The following SIPA1L3 variants were observed in gnomAD, a reference collection of about 807,000 sequenced individuals.
SIPA1L3 encodes signal induced proliferation associated 1 like 3.
SIPA1L3 carries 59 observed loss-of-function variants against 150.1 expected under a neutral mutation model. The ratio of observed to expected loss-of-function variants is 0.39; its 90% confidence interval spans 0.32 to 0.49. The LOEUF is 0.49. Among genes scored for constraint, SIPA1L3 ranks in the 20% least tolerant of loss-of-function variants. The pLI is 0.86. For synonymous variants in SIPA1L3, 1,070 were observed against 1,077.6 expected, an observed-to-expected ratio of 0.99 and a Z score of 0.14; for missense variants, 2,211 against 2,489.5, an observed-to-expected ratio of 0.89 and a Z score of 2.38.
rs753346370 is a variant in SIPA1L3 at position 38,142,711 on chromosome 19, G to A, written c.3533+1G>A. ...TGAGATACAAGCCATCCCCAGAAAG[G>A]TCAGCCTCCCTCAATTCTTTTCATG... On this transcript the variant is annotated splice_donor_variant, in intron 12 of 21. Coordinates refer to ENST00000222345, the MANE Select transcript of SIPA1L3 (RefSeq NM_015073.3). LOFTEE classifies it high-confidence loss of function. 1.3e-5 allele frequency: 21 copies of A among 1,611,876 alleles called. No individual in the cohort carries two copies. The highest frequency in any genetic ancestry group is 1.8e-5 in the Non-Finnish European group (21 of 1,178,650).
intron 9 of SIPA1L3, among the ~76,000 whole-genome samples, chr19:38,125,634 G>C (rs891477386): frequency 6.6e-6 from 1 of 152,084 alleles, no homozygotes; most frequent in Non-Finnish European, 1.5e-5. Flanking sequence ...GGGCAGGCCC[G>C]TTTTGAATGA....
rs1370258088 is a variant in SIPA1L3, at chr19:38,162,317, G to A, written c.3726G>A (p.Lys1242=). ...CCATAGCCGGAAGCAGCGGGAACAA[G>A]CACCCGTCCAGGCAGGATGCAGCAG... ...LSAIAGSSGN[K]HPSRQDAAGK... is the part of the protein sequence containing the mutation. Residue 1242 remains lysine (K), a synonymous_variant, in exon 14 of 22, where the codon AAG becomes AAA. Transcript: ENST00000222345. The A allele has an allele frequency of 6.8e-6, 11 of 1,614,126 alleles. No homozygotes were observed. Among genetic ancestry groups the A allele is most frequent in the Middle Eastern group, 1.6e-4 (1 of 6,084 alleles).
rs1970961726 is a variant in SIPA1L3, at chr19:38,119,340, T to C, written c.2326T>C (p.Phe776Leu). Residue 776 changes from phenylalanine (F) to leucine (L), a missense_variant, in exon 9 of 22, where the codon TTC (phenylalanine) becomes CTC (leucine). Coordinates refer to ENST00000222345, the MANE Select transcript of SIPA1L3 (RefSeq NM_015073.3). Reference protein sequence around the residue: ...AVTRSKDAPPFGPPIPSGTTF... With the variant: ...AVTRSKDAPPLGPPIPSGTTF... The stretch of plus-strand genomic sequence containing the variant: ...GACCCGATCCAAAGACGCTCCTCCT[T>C]TCGGCCCCCCCATCCCCAGTGGAAC... 1 of 1,614,060 alleles carries C rather than the reference T, an allele frequency of 6.2e-7. No homozygotes were observed. Among genetic ancestry groups the C allele is most frequent in the Non-Finnish European group, 8.5e-7 (1 of 1,180,028 alleles).
chr19:38,093,126 C>T (rs1254476768), intron 4 of SIPA1L3, among the ~76,000 whole-genome samples: 3 of 151,906 alleles, frequency 2.0e-5, no homozygotes, highest in African/African-American at 7.3e-5. Context: ...CCCAAAGTGC[C>T]GGGATTACAG....
chr19:38,182,654 G>C lies in SIPA1L3; in HGVS notation c.4344G>C (p.Lys1448Asn). The change falls in exon 16 of 22, where the codon AAG becomes AAC. Residue 1448 changes from lysine (K) to asparagine (N), a missense_variant. Physicochemically the swap from Lys to Asn is moderately conservative, Grantham distance 94. Around this residue, in one of 5 missense-constraint regions of SIPA1L3, gnomAD observed 806 missense variants for 870.1 expected, o/e 0.93. Transcript: ENST00000222345. The part of the protein sequence containing the change: ...SASVPKSFFS[K>N]QPVRNKHPTG... ...CCGTCCCCAAGTCCTTCTTCTCCAA[G>C]CAGCCTGTACGCAATAAGCACCCAA... The C allele has an allele frequency of 6.2e-7, 1 of 1,614,144 alleles. No individual in the cohort carries two copies. Among genetic ancestry groups the C allele is most frequent in the Non-Finnish European group, 8.5e-7 (1 of 1,180,020 alleles).
chr19:38,038,904 GAC>G (rs1968849659), intron 2 of SIPA1L3, among the ~76,000 whole-genome samples: 1 of 152,032 alleles, frequency 6.6e-6, no homozygotes, highest in South Asian at 2.1e-4. Context: ...ATTTTTTGGA[GAC>G]ACAGTCTCAC....
At chr19:38,178,642 A>AT (rs562523410) in intron 15 of SIPA1L3, among the ~76,000 whole-genome samples, 2,212 of 151,916 alleles carry the variant, frequency 0.015, 24 homozygotes, top group Non-Finnish European at 0.023. Context: ...TGCCCAGCTA[A>AT]TTTTTTTGTA....
At chr19:38,001,904 G>A (rs965231868) in intron 1 of SIPA1L3, among the ~76,000 whole-genome samples, 7 of 152,038 alleles carry the variant, frequency 4.6e-5, no homozygotes, top group Non-Finnish European at 2.9e-5. Context: ...GTATATACAA[G>A]TTGTCCACCT....
chr19:38,002,613 A>G (rs960189655), intron 1 of SIPA1L3, among the ~76,000 whole-genome samples: 3 of 148,522 alleles, frequency 2.0e-5, no homozygotes, highest in African/African-American at 7.4e-5. Context: ...TGCGCCTGTA[A>G]TCCCAGGAGG....
intron 2 of SIPA1L3, among the ~76,000 whole-genome samples, chr19:38,032,052 T>C (rs1165287307): frequency 6.6e-6 from 1 of 152,188 alleles, no homozygotes; most frequent in Non-Finnish European, 1.5e-5. Flanking sequence ...AATTTTACCA[T>C]CCATTGGTGG....
intron 11 of SIPA1L3, 149 bp downstream of exon 11, chr19:38,141,584 T>A: frequency 1.2e-6 from 1 of 862,852 alleles, no homozygotes; most frequent in Non-Finnish European, 1.7e-6. Context: ...CCCTTGTTCC[T>A]CCCTCCCTCC....
chr19:38,049,560 A>T (rs1312514066), intron 2 of SIPA1L3, among the ~76,000 whole-genome samples: 2 of 152,154 alleles, frequency 1.3e-5, no homozygotes. Flanking sequence ...TCAAGTGAGC[A>T]TCCGCCTACC....
intron 1 of SIPA1L3, among the ~76,000 whole-genome samples, chr19:37,981,513 A>T (rs1967201859): frequency 1.3e-5 from 2 of 152,046 alleles, no homozygotes; most frequent in South Asian, 4.1e-4. Flanking sequence ...AGGTTACTTA[A>T]CCTCTCTGTA....
At chr19:38,069,648 A>T (rs1377973633) in intron 2 of SIPA1L3, among the ~76,000 whole-genome samples, 2 of 151,926 alleles carry the variant, frequency 1.3e-5, no homozygotes, top group African/African-American at 4.8e-5. Context: ...GTGTGGACAG[A>T]TACCTATATA....
chr19:37,984,610 A>G (rs1036091372), intron 1 of SIPA1L3, among the ~76,000 whole-genome samples: 3 of 152,234 alleles, frequency 2.0e-5, no homozygotes, highest in African/African-American at 7.2e-5. Context: ...AAGTGAGGAA[A>G]AGAACTAGTT....
intron 2 of SIPA1L3, among the ~76,000 whole-genome samples, chr19:38,039,385 G>GT (rs1201859925): frequency 6.7e-6 from 1 of 149,018 alleles, no homozygotes; most frequent in Non-Finnish European, 1.5e-5. Flanking sequence ...AAGTTTGCCA[G>GT]CGGGGGGTGG....
chr19:38,142,702 C>G lies in SIPA1L3; in HGVS notation c.3525C>G (p.Ser1175=), dbSNP rs750351793. ...CCACCTACGTGAGATACAAGCCATC[C>G]CCAGAAAGGTCAGCCTCCCTCAATT... ...GSATYVRYKP[S]PERYTAAPHP... The change falls in exon 12 of 22, where the codon TCC becomes TCG. Residue 1175 remains serine (S), a synonymous_variant. Coordinates refer to ENST00000222345, the MANE Select transcript of SIPA1L3 (RefSeq NM_015073.3). 7 of 1,613,068 alleles carry G rather than the reference C, an allele frequency of 4.3e-6. No individual in the cohort carries two copies. In the South Asian group the frequency reaches 6.6e-5, roughly 15 times the overall value.
rs551518160 is a variant in SIPA1L3 at position 38,153,278 on chromosome 19, T to C, written c.3661+311T>C. 2.6e-5 allele frequency among the ~76,000 whole-genome samples: 4 copies of C among 152,278 alleles called. No individual in the cohort carries two copies. In the South Asian group the frequency reaches 6.2e-4, roughly 24 times the overall value. On this transcript the variant is annotated intron_variant, in intron 13 of 21. Coordinates refer to ENST00000222345, the MANE Select transcript of SIPA1L3 (RefSeq NM_015073.3). ...GAAGGTAGCTGAAAAAGATTAAGCA[T>C]TGAGCTCTCAGGAGCAGGACTGGCT...
intron 13 of SIPA1L3, among the ~76,000 whole-genome samples, chr19:38,157,031 G>T (rs1347116880): frequency 6.6e-6 from 1 of 152,084 alleles, no homozygotes; most frequent in African/African-American, 2.4e-5. Flanking sequence ...AGGTGTGGCA[G>T]TGCGCACCTA....
Sources: gnomAD v4.1 joint callset for allele counts (sites outside exome capture counted in the v4.1 genomes callset) on GRCh38, gnomAD v4.1.1 for gene constraint, gnomAD v4.1.1 regional missense constraint, MANE v1.5 for transcripts, NCBI Gene and HGNC (gene_info 2026-07-23, HGNC 2026-07-21) for gene names.